Variants in LRP2 observed in about 807,000 individuals in gnomAD.
LRP2 encodes the protein low-density lipoprotein receptor-related protein 2.
In LRP2, 172 loss-of-function variants were observed where a neutral mutation model predicts 531.0. The ratio of observed to expected loss-of-function variants is 0.32; its 90% CI spans 0.29 to 0.37. The LOEUF (loss-of-function observed/expected upper bound fraction) is 0.37. Ranked by LOEUF, LRP2 falls within the 10% of genes least tolerant of loss-of-function variation. The probability of loss-of-function intolerance (pLI) is 1.00; values close to 1 mark genes in which losing one functional copy is unlikely to be tolerated. For synonymous variants in LRP2, 1,992 were observed against 2,027.6 expected (o/e 0.98, Z 0.47); for missense variants, 5,167 against 5,868.3 (o/e 0.88, Z 3.90).
rs568519559 is a variant in LRP2 at position 169,171,907 on chromosome 2, A to G, written c.11263+108T>C. The G allele has an allele frequency of 2.7e-5, 37 of 1,363,522 alleles. No individual in the cohort carries two copies. In the East Asian group the frequency reaches 8.5e-4, roughly 31 times the overall value. The allele number at this position is 1,363,522 out of a possible 1,614,324, so 84.5% of individuals were successfully genotyped here. A position where few individuals can be genotyped will look rare whatever the true frequency, so the allele number is the denominator to read the frequency against. Reference sequence around the variant, plus strand: ...AAAGAAAGAGATCAGACAGCTTGATATCATCCTACCCATTGAGGATCAATG... The same window carrying G: ...AAAGAAAGAGATCAGACAGCTTGATGTCATCCTACCCATTGAGGATCAATG... On this transcript the variant is annotated intron_variant, in intron 58 of 78. Transcript: ENST00000649046.
chr2:169,167,419 C>T (rs765450253), intron 61 of LRP2, among the ~76,000 whole-genome samples: 1 of 152,110 alleles, frequency 6.6e-6, no homozygotes. Flanking sequence ...AACAGGAGTG[C>T]TTCTCCAGGT....
intron 75 of LRP2, among the ~76,000 whole-genome samples, chr2:169,137,838 G>T (rs1685574083): frequency 6.6e-6 from 1 of 152,002 alleles, no homozygotes; most frequent in African/African-American, 2.4e-5. Context: ...AATGGTGGAA[G>T]AAGAAAAGAA....
intron 35 of LRP2, among the ~76,000 whole-genome samples, chr2:169,214,431 C>T (rs561425589): frequency 2.0e-5 from 3 of 152,286 alleles, no homozygotes; most frequent in East Asian, 3.9e-4. Context: ...GACAAGTAGT[C>T]AGCTTCTTCT....
At chr2:169,178,288 T>G (rs945190988) in intron 52 of LRP2, among the ~76,000 whole-genome samples, 1 of 152,252 alleles carries the variant, frequency 6.6e-6, no homozygotes, top group African/African-American at 2.4e-5. Flanking sequence ...CACTAATTCC[T>G]AACCACAGCT....
intron 16 of LRP2, among the ~76,000 whole-genome samples, chr2:169,269,442 T>TAAC (rs1683337850): frequency 6.6e-6 from 1 of 152,072 alleles, no homozygotes; most frequent in Non-Finnish European, 1.5e-5. Context: ...TCCTCAGAAA[T>TAAC]GATATCACAC....
At chr2:169,205,895 T>G in intron 40 of LRP2, 128 bp downstream of exon 40, 6 of 1,288,684 alleles carry the variant, frequency 4.7e-6, no homozygotes, top group Non-Finnish European at 5.6e-6. Context: ...CAATATGCTT[T>G]CATTTTTGAA....
intron 16 of LRP2, among the ~76,000 whole-genome samples, chr2:169,261,250 G>T (rs1348931007): frequency 6.6e-6 from 1 of 152,016 alleles, no homozygotes; most frequent in Non-Finnish European, 1.5e-5. Flanking sequence ...AGTAGAAAAA[G>T]AGAATTTGGA....
intron 61 of LRP2, among the ~76,000 whole-genome samples, chr2:169,167,712 C>T (rs920720031): frequency 3.9e-5 from 6 of 152,030 alleles, no homozygotes; most frequent in South Asian, 2.1e-4. Context: ...CATTCCTAGT[C>T]CAGGTAAGAC....
chr2:169,191,737 T>C (rs1687835293), intron 48 of LRP2, 95 bp downstream of exon 48: 2 of 1,002,146 alleles, frequency 2.0e-6, no homozygotes, highest in East Asian at 2.4e-5. Flanking sequence ...TCATGGGCCC[T>C]GGGCACTGTG....
chr2:169,176,698 A>C, intron 53 of LRP2, 110 bp from the exon 54 acceptor site: 1 of 930,282 alleles, frequency 1.1e-6, no homozygotes, highest in Non-Finnish European at 1.7e-6. Context: ...AGTAAAAAAA[A>C]AACTATCCTA....
At chr2:169,179,677 G>A (rs749583439) in intron 52 of LRP2, among the ~76,000 whole-genome samples, 72 of 151,518 alleles carry the variant, frequency 4.8e-4, no homozygotes, top group Admixed American at 1.4e-3. Flanking sequence ...CCGAGATCAC[G>A]CCATCGCACT....
At chr2:169,190,721 G>A (rs1178326267) in intron 48 of LRP2, among the ~76,000 whole-genome samples, 1 of 152,130 alleles carries the variant, frequency 6.6e-6, no homozygotes, top group Non-Finnish European at 1.5e-5. Flanking sequence ...GGCTCCAGTT[G>A]TGCCCAAATA....
chr2:169,211,927 C>A (rs1452542441), intron 37 of LRP2, 41 bp downstream of exon 37: 1 of 1,612,898 alleles, frequency 6.2e-7, no homozygotes, highest in African/African-American at 1.3e-5. Flanking sequence ...CAACCTGGTG[C>A]CAGATGAAGT....
At chr2:169,214,145 A>G (rs1559020972) in intron 35 of LRP2, among the ~76,000 whole-genome samples, 1 of 152,056 alleles carries the variant, frequency 6.6e-6, no homozygotes, top group Non-Finnish European at 1.5e-5. Context: ...AGGGAGCTAA[A>G]CCACTAGTCC....
chr2:169,205,594 T>C lies in LRP2; in HGVS notation c.7600A>G (p.Arg2534Gly), dbSNP rs1688349049. The change falls in exon 41 of 79, where the codon AGA (arginine) becomes GGA (glycine). Residue 2534 changes from arginine (R) to glycine (G), a missense_variant. By Grantham distance (125) the Arg-to-Gly change is moderately radical. Around this residue, in one of 6 missense-constraint regions of LRP2, gnomAD observed 1,129 missense variants for 1,362.7 expected, o/e 0.83. Coordinates refer to ENST00000649046, the MANE Select transcript of LRP2 (RefSeq NM_004525.3). ...ADWDTHAKIERATLGGNFRVP... is the reference protein window; with the variant it reads ...ADWDTHAKIEGATLGGNFRVP... ...CGGAAGTTTCCTCCCAATGTGGCTC[T>C]CTCGATTTTGGCATGTGTATCCCAG... is the stretch of plus-strand genomic sequence containing the variant. 1 of 1,613,820 alleles carries C rather than the reference T, an allele frequency of 6.2e-7. No homozygotes were observed. The highest frequency in any genetic ancestry group is 1.1e-5 in the South Asian group (1 of 91,080).
intron 76 of LRP2, 48 bp downstream of exon 76, chr2:169,137,344 G>A (rs1685549733): frequency 2.4e-6 from 3 of 1,267,982 alleles, no homozygotes; most frequent in Non-Finnish European, 3.5e-6. Context: ...AATAGATTAA[G>A]ATCCAGCGAC....
intron 1 of LRP2, among the ~76,000 whole-genome samples, chr2:169,360,146 AAAG>A (rs1305365575): frequency 0.014 from 654 of 47,108 alleles, 3 homozygotes; most frequent in South Asian, 0.077. Context: ...AAAAAAAAAA[AAAG>A]AGAGAGAGAG....
chr2:169,264,458 C>T (rs562058864), intron 16 of LRP2, among the ~76,000 whole-genome samples: 3 of 152,086 alleles, frequency 2.0e-5, no homozygotes, highest in East Asian at 3.9e-4. Context: ...GTGCTCCAAG[C>T]TCAGTGGGCC....
intron 7 of LRP2, among the ~76,000 whole-genome samples, chr2:169,291,227 T>A (rs1683991132): frequency 6.6e-6 from 1 of 152,160 alleles, no homozygotes; most frequent in African/African-American, 2.4e-5. Flanking sequence ...CAGCCCCCAG[T>A]AGGGTTATAA....
Sources: gnomAD v4.1 joint callset for allele counts (sites outside exome capture counted in the v4.1 genomes callset) on GRCh38, gnomAD v4.1.1 for gene constraint, gnomAD v4.1.1 regional missense constraint, MANE v1.5 for transcripts, NCBI Gene and HGNC (gene_info 2026-07-23, HGNC 2026-07-21) for gene names.